The following KCNK1 variants were observed in gnomAD, a reference collection of about 807,000 sequenced individuals.
KCNK1 encodes the protein potassium channel subfamily K member 1.
Under a neutral mutation model 22.2 loss-of-function variants are expected in KCNK1, and 10 were observed. That is an observed-to-expected ratio of 0.45 (90% confidence interval 0.28 to 0.76). The LOEUF is 0.76. Ranked by LOEUF, KCNK1 falls within the 30% of genes least tolerant of loss-of-function variation. The pLI is 0.14. For missense variants in KCNK1, 378 were observed against 421.0 expected, an observed-to-expected ratio of 0.90 and a Z score of 0.89; for synonymous variants, 200 against 186.4, an observed-to-expected ratio of 1.07 and a Z score of -0.60.
intron 1 of KCNK1, among the ~76,000 whole-genome samples, chr1:233,647,317 C>A (rs1189330058): frequency 6.6e-6 from 1 of 152,166 alleles, no homozygotes; most frequent in Non-Finnish European, 1.5e-5. Context: ...CTGCTTCAGA[C>A]GTGAATGTCA....
At chr1:233,646,306 G>A (rs6668792) in intron 1 of KCNK1, among the ~76,000 whole-genome samples, 38,257 of 151,972 alleles carry the variant, frequency 0.25, 4,909 homozygotes, top group Middle Eastern at 0.29. Flanking sequence ...TCCATCCTGG[G>A]CTGATTAAGA....
chr1:233,659,081 T>C (rs750844706), intron 1 of KCNK1, among the ~76,000 whole-genome samples: 1 of 152,182 alleles, frequency 6.6e-6, no homozygotes, highest in Non-Finnish European at 1.5e-5. Context: ...ATGTTTTTAA[T>C]TTTGATTCTT....
chr1:233,635,263 C>T (rs1657878162), intron 1 of KCNK1, among the ~76,000 whole-genome samples: 1 of 152,100 alleles, frequency 6.6e-6, no homozygotes, highest in African/African-American at 2.4e-5. Flanking sequence ...CACAGAAAAG[C>T]ACAATAAATA....
At chr1:233,654,013 G>T (rs2102903294) in intron 1 of KCNK1, among the ~76,000 whole-genome samples, 1 of 152,212 alleles carries the variant, frequency 6.6e-6, no homozygotes, top group South Asian at 2.1e-4. Context: ...GACCTTTAAA[G>T]GTGATTCTGG....
intron 1 of KCNK1, among the ~76,000 whole-genome samples, chr1:233,657,495 C>T (rs199633737): frequency 6.6e-6 from 1 of 151,908 alleles, no homozygotes; most frequent in Admixed American, 6.6e-5. Context: ...TACCGTTGAA[C>T]AAGCCAAGCC....
chr1:233,661,562 C>G (rs1658392504), intron 1 of KCNK1, among the ~76,000 whole-genome samples: 1 of 152,244 alleles, frequency 6.6e-6, no homozygotes, highest in African/African-American at 2.4e-5. Flanking sequence ...CTCTTACCAT[C>G]TGTGCCTCCT....
chr1:233,666,779 C>A lies in KCNK1; in HGVS notation c.540C>A (p.Ala180=). The A allele has an allele frequency of 6.2e-7, 1 of 1,614,194 alleles. No individual in the cohort carries two copies. Among genetic ancestry groups the A allele is most frequent in the Non-Finnish European group, 8.5e-7 (1 of 1,180,030 alleles). The change falls in exon 2 of 3, where the codon GCC becomes GCA. Residue 180 remains alanine, a synonymous_variant. Transcript: ENST00000366621. ...GGGGCTTCTCCAAGCAGGTGGTGGC[C>A]ATCGTCCATGCCGTGCTCCTTGGGT... ...IRWGFSKQVV[A]IVHAVLLGFV...
chr1:233,649,738 A>C (rs1166565535), intron 1 of KCNK1, among the ~76,000 whole-genome samples: 1 of 152,146 alleles, frequency 6.6e-6, no homozygotes, highest in Non-Finnish European at 1.5e-5. Context: ...TTATGACCTA[A>C]TCACCTCCCA....
intron 1 of KCNK1, chr1:233,631,420 G>A (rs1459354873): frequency 4.8e-6 from 2 of 414,196 alleles, no homozygotes; most frequent in African/African-American, 2.1e-5. Flanking sequence ...AAGCTCAACG[G>A]TTATCAGCTC....
At chr1:233,626,230 A>AG (rs766544149) in intron 1 of KCNK1, among the ~76,000 whole-genome samples, 8 of 151,854 alleles carry the variant, frequency 5.3e-5, no homozygotes, top group Non-Finnish European at 1.0e-4. Context: ...ATTGGATGTG[A>AG]GGGGTAAAAG....
intron 1 of KCNK1, among the ~76,000 whole-genome samples, chr1:233,622,472 A>G (rs701209): frequency 0.75 from 113,358 of 152,110 alleles, 42,297 homozygotes; most frequent in Admixed American, 0.81. Flanking sequence ...GCAACTTTTG[A>G]GGTGTTTTAT....
chr1:233,651,362 C>T (rs1238313498), intron 1 of KCNK1, among the ~76,000 whole-genome samples: 2 of 152,262 alleles, frequency 1.3e-5, no homozygotes, highest in Non-Finnish European at 2.9e-5. Context: ...GTGATGGCTG[C>T]AGGATAATTA....
chr1:233,632,742 C>T (rs114875053), intron 1 of KCNK1, among the ~76,000 whole-genome samples: 2 of 152,100 alleles, frequency 1.3e-5, no homozygotes, highest in African/African-American at 4.8e-5. Flanking sequence ...TCCTGAGGAT[C>T]GTGGGTTTGG....
chr1:233,618,520 G>A (rs753466262), intron 1 of KCNK1, among the ~76,000 whole-genome samples: 1 of 152,088 alleles, frequency 6.6e-6, no homozygotes. Flanking sequence ...TTGTGATGTT[G>A]ATTTACTAAA....
intron 1 of KCNK1, among the ~76,000 whole-genome samples, chr1:233,618,349 A>G (rs1657521330): frequency 2.6e-5 from 4 of 151,788 alleles, no homozygotes; most frequent in Admixed American, 2.6e-4. Context: ...GAGGTATTAT[A>G]GACTGCAGAA....
At chr1:233,633,393 C>T (rs1383309156) in intron 1 of KCNK1, among the ~76,000 whole-genome samples, 1 of 152,016 alleles carries the variant, frequency 6.6e-6, no homozygotes, top group Non-Finnish European at 1.5e-5. Context: ...GCTAGATTAA[C>T]ATAATGTCCT....
Position 233,664,454 on chromosome 1 carries a change from C to T in KCNK1, c.356-2141C>T, listed in dbSNP as rs923375406. On this transcript the variant is annotated intron_variant, in intron 1 of 2. Transcript: ENST00000366621. ...TCAATATGATGCCCAAAATTAGTCA[C>T]CGCATTCCAGGAGCAGTTGGGTGTG... Among the ~76,000 whole-genome samples, 84 of 152,172 alleles carry T rather than the reference C, an allele frequency of 5.5e-4. 1 individual carries two copies. The highest frequency in any genetic ancestry group is 2.0e-3 in the African/African-American group (81 of 41,440).
intron 1 of KCNK1, among the ~76,000 whole-genome samples, chr1:233,640,941 G>A (rs1657989665): frequency 6.6e-6 from 1 of 152,188 alleles, no homozygotes; most frequent in African/African-American, 2.4e-5. Context: ...CTGAGCTCAG[G>A]TGATCCACCC....
At chr1:233,635,884 A>G (rs749522028) in intron 1 of KCNK1, among the ~76,000 whole-genome samples, 21 of 152,260 alleles carry the variant, frequency 1.4e-4, no homozygotes, top group African/African-American at 3.1e-4. Flanking sequence ...GAAAGGTGAT[A>G]TAAGGTTTGC....
Sources: allele counts gnomAD v4.1 joint callset (sites outside exome capture counted in the v4.1 genomes callset), GRCh38; gene constraint gnomAD v4.1.1; transcripts MANE v1.5; gene names NCBI Gene and HGNC (gene_info 2026-07-23, HGNC 2026-07-21).